The following PTPRD variants were observed in gnomAD, a reference collection of about 807,000 sequenced individuals.
The protein encoded by PTPRD is receptor-type tyrosine-protein phosphatase delta.
A neutral mutation model predicts 214.5 loss-of-function variants in PTPRD; 34 were observed. The ratio of observed to expected loss-of-function variants is 0.16; its 90% CI spans 0.12 to 0.21. The LOEUF (loss-of-function observed/expected upper bound fraction) is 0.21, where lower values mean the gene tolerates loss of function less well. Ranked by LOEUF, PTPRD falls within the 10% of genes least tolerant of loss-of-function variation. The pLI is 1.00. For synonymous variants in PTPRD, 1,128 were observed against 845.7 expected, an observed-to-expected ratio of 1.33 and a Z score of -5.79; for missense variants, 2,545 against 2,398.7, an observed-to-expected ratio of 1.06 and a Z score of -1.27.
At chr9:10,260,988 G>T (rs1161561173) in intron 3 of PTPRD, among the ~76,000 whole-genome samples, 1 of 146,578 alleles carries the variant, frequency 6.8e-6, no homozygotes, top group East Asian at 2.0e-4. Flanking sequence ...GTATATATAT[G>T]TATATATATG....
chr9:8,892,975 G>T (rs770874173), intron 11 of PTPRD, among the ~76,000 whole-genome samples: 1 of 152,050 alleles, frequency 6.6e-6, no homozygotes, highest in African/African-American at 2.4e-5. Flanking sequence ...TAATCTTGAC[G>T]TCCATGTTGG....
At chr9:9,801,874 C>T (rs745610852) in intron 5 of PTPRD, among the ~76,000 whole-genome samples, 1 of 151,946 alleles carries the variant, frequency 6.6e-6, no homozygotes, top group African/African-American at 2.4e-5. Flanking sequence ...CATGTTGGCA[C>T]AAAACTCAGG....
rs372441409 is a variant in PTPRD at position 10,515,126 on chromosome 9, T to C, written c.-600+97272A>G. Among the ~76,000 whole-genome samples the C allele has an allele frequency of 7.9e-5, 12 of 152,036 alleles. No individual in the cohort carries two copies. The East Asian group carries it at 1.5e-3, about 20-fold the overall frequency. ...AATTTCTCAATCTGTATCTAATTTA[T>C]AGGCCTTTTAAGACAAAAGCCAGTT... On this transcript the variant is annotated intron_variant, in intron 2 of 45. Transcript: ENST00000381196.
At chr9:8,668,701 T>C (rs1162223609) in intron 12 of PTPRD, among the ~76,000 whole-genome samples, 1 of 152,234 alleles carries the variant, frequency 6.6e-6, no homozygotes, top group African/African-American at 2.4e-5. Flanking sequence ...TTGCAATGTA[T>C]ATGCACTGTG....
intron 5 of PTPRD, among the ~76,000 whole-genome samples, chr9:9,825,035 G>T (rs75437581): frequency 0.055 from 8,328 of 151,958 alleles, 260 homozygotes; most frequent in South Asian, 0.15. Flanking sequence ...TTTGTTAGTA[G>T]CCATTTATGC....
intron 3 of PTPRD, among the ~76,000 whole-genome samples, chr9:10,205,992 G>A (rs2099473595): frequency 6.7e-6 from 1 of 149,414 alleles, no homozygotes; most frequent in South Asian, 2.1e-4. Context: ...TAGTAGAGGA[G>A]TCTGATATGT....
At chr9:10,082,332 G>T (rs1371411529) in intron 3 of PTPRD, among the ~76,000 whole-genome samples, 2 of 152,086 alleles carry the variant, frequency 1.3e-5, no homozygotes, top group African/African-American at 4.8e-5. Context: ...GTGACTTGGG[G>T]ATGTCCCAAA....
At chr9:10,156,832 A>G (rs1403593418) in intron 3 of PTPRD, among the ~76,000 whole-genome samples, 1 of 152,170 alleles carries the variant, frequency 6.6e-6, no homozygotes, top group Admixed American at 6.6e-5. Context: ...TTGAGTGCAT[A>G]TATATTTAGG....
intron 7 of PTPRD, among the ~76,000 whole-genome samples, chr9:9,602,268 A>C (rs1277695156): frequency 6.6e-6 from 1 of 152,090 alleles, no homozygotes; most frequent in African/African-American, 2.4e-5. Context: ...AATGCATTAT[A>C]CAAATGATTT....
rs551203762 is a variant in PTPRD at position 9,332,791 on chromosome 9, A to G, written c.-203+64658T>C. Among the ~76,000 whole-genome samples the G allele has an allele frequency of 1.5e-3, 222 of 152,032 alleles. 1 individual carries two copies. Among genetic ancestry groups the G allele is most frequent in the Middle Eastern group, 3.4e-3 (1 of 294 alleles). ...GTAGTTGTAATGAAAGAGTTGTCAA[A>G]TTAAACGCAAACTGCTGTAAGTAAA... On this transcript the variant is annotated intron_variant, in intron 9 of 45. Transcript: ENST00000381196.
chr9:8,635,245 G>C (rs2096393901), intron 13 of PTPRD, among the ~76,000 whole-genome samples: 1 of 151,310 alleles, frequency 6.6e-6, no homozygotes, highest in South Asian at 2.1e-4. Context: ...GAAATATTTA[G>C]TAGTATAATT....
At chr9:10,148,369 G>C (rs1013629249) in intron 3 of PTPRD, among the ~76,000 whole-genome samples, 2 of 152,156 alleles carry the variant, frequency 1.3e-5, no homozygotes, top group Non-Finnish European at 2.9e-5. Flanking sequence ...ATGATGCTAA[G>C]TGTTGGAACA....
At chr9:9,984,646 A>G (rs1453529889) in intron 4 of PTPRD, among the ~76,000 whole-genome samples, 1 of 152,162 alleles carries the variant, frequency 6.6e-6, no homozygotes, top group Admixed American at 6.5e-5. Flanking sequence ...ATGGGCATTT[A>G]CACTTAATGG....
At chr9:8,396,677 G>T (rs1009694537) in intron 36 of PTPRD, among the ~76,000 whole-genome samples, 2 of 151,988 alleles carry the variant, frequency 1.3e-5, no homozygotes, top group Non-Finnish European at 2.9e-5. Context: ...TCTCTTTTCC[G>T]GGTAAGAAAC....
chr9:9,594,151 A>T (rs1176836631), intron 7 of PTPRD, among the ~76,000 whole-genome samples: 2 of 152,088 alleles, frequency 1.3e-5, no homozygotes, highest in Admixed American at 6.6e-5. Flanking sequence ...GAAGTTATTT[A>T]AAAAATAAGC....
chr9:9,594,905 C>T (rs909074954), intron 7 of PTPRD, among the ~76,000 whole-genome samples: 5 of 152,048 alleles, frequency 3.3e-5, no homozygotes, highest in Admixed American at 2.0e-4. Context: ...AACAAACAAT[C>T]CCTTCAAAAA....
At position 8,633,606 on chromosome 9, in the gene PTPRD, A is replaced by G. The variant is rs1200209992; in HGVS notation, c.211-148T>C. ...TGAATTTTGATATAGTGGTGAAAAAATATTTGGTCTAATTTAGTGAATCTT... is the reference window on the plus strand; with the variant it reads ...TGAATTTTGATATAGTGGTGAAAAAGTATTTGGTCTAATTTAGTGAATCTT... On this transcript the variant is annotated intron_variant, in intron 13 of 45. Transcript: ENST00000381196. 1.2e-5 allele frequency: 11 copies of G among 883,842 alleles called. No homozygotes were observed. The African/African-American group carries it at 1.7e-4, about 14-fold the overall frequency. The allele number at this position is 883,842 out of a possible 1,614,324, so 54.7% of individuals were successfully genotyped here. A position where few individuals can be genotyped will look rare whatever the true frequency, so the allele number is the denominator to read the frequency against.
intron 7 of PTPRD, among the ~76,000 whole-genome samples, chr9:9,718,117 T>C (rs2097864763): frequency 6.6e-6 from 1 of 152,208 alleles, no homozygotes; most frequent in Non-Finnish European, 1.5e-5. Flanking sequence ...TATCCTTCTT[T>C]AGTTTATCAA....
chr9:8,769,543 C>A (rs902142135), intron 11 of PTPRD, among the ~76,000 whole-genome samples: 14 of 152,100 alleles, frequency 9.2e-5, no homozygotes, highest in African/African-American at 3.4e-4. Context: ...TAGTGGAAAA[C>A]TGCCAAAAAC....
Sources: allele counts gnomAD v4.1 joint callset (sites outside exome capture counted in the v4.1 genomes callset), GRCh38; gene constraint gnomAD v4.1.1; transcripts MANE v1.5; gene names NCBI Gene and HGNC (gene_info 2026-07-23, HGNC 2026-07-21).